Variants in NRG3 observed in about 807,000 individuals in gnomAD.
NRG3 encodes pro-neuregulin-3, membrane-bound isoform.
In NRG3, 31 loss-of-function variants were observed where a neutral mutation model predicts 66.9. The ratio of observed to expected loss-of-function variants is 0.46; its 90% CI spans 0.35 to 0.63. The LOEUF is 0.63. NRG3 is among the 20% of genes least tolerant of loss of function. The probability of loss-of-function intolerance (pLI) is 0.00; values close to 1 mark genes in which losing one functional copy is unlikely to be tolerated. For missense variants in NRG3, 910 were observed against 878.9 expected (o/e 1.04, Z -0.45); for synonymous variants, 393 against 359.4 (o/e 1.09, Z -1.06).
chr10:82,424,041 C>A (rs1355580020), intron 2 of NRG3, among the ~76,000 whole-genome samples: 1 of 151,984 alleles, frequency 6.6e-6, no homozygotes, highest in African/African-American at 2.4e-5. Flanking sequence ...CATTCATCAG[C>A]TGATGGACAT....
chr10:82,876,173 T>G (rs1348329303), intron 4 of NRG3, among the ~76,000 whole-genome samples: 4 of 152,198 alleles, frequency 2.6e-5, no homozygotes, highest in African/African-American at 7.2e-5. Flanking sequence ...AAGAATAACA[T>G]AAGACCAATA....
At chr10:82,035,357 G>T (rs2062750832) in intron 1 of NRG3, among the ~76,000 whole-genome samples, 1 of 151,846 alleles carries the variant, frequency 6.6e-6, no homozygotes, top group African/African-American at 2.4e-5. Flanking sequence ...CATACACTGT[G>T]ATTTTTTTTG....
intron 1 of NRG3, among the ~76,000 whole-genome samples, chr10:82,348,355 GGGTT>G (rs2083176085): frequency 6.9e-6 from 1 of 145,822 alleles, no homozygotes; most frequent in African/African-American, 2.6e-5. Flanking sequence ...ATGAAATTCT[GGGTT>G]GAAAATTCTT....
chr10:82,384,441 C>A (rs984107442), intron 2 of NRG3, among the ~76,000 whole-genome samples: 4 of 152,174 alleles, frequency 2.6e-5, no homozygotes, highest in African/African-American at 9.6e-5. Flanking sequence ...AACCCCCACC[C>A]TCTGACAGGC....
At chr10:82,078,909 G>A (rs954557278) in intron 1 of NRG3, among the ~76,000 whole-genome samples, 2 of 152,130 alleles carry the variant, frequency 1.3e-5, no homozygotes, top group African/African-American at 4.8e-5. Context: ...CAAAGGCTTT[G>A]GTTGGTGACT....
chr10:82,876,108 T>C (rs1425735931), intron 4 of NRG3, among the ~76,000 whole-genome samples: 4 of 152,222 alleles, frequency 2.6e-5, no homozygotes, highest in African/African-American at 9.6e-5. Context: ...TAAAATTTGA[T>C]TGGTAGACAC....
At position 82,890,027 on chromosome 10, in the gene NRG3, G is replaced by A. The variant is rs145542924; in HGVS notation, c.1054+24590G>A. Among the ~76,000 whole-genome samples, 1,119 of 152,122 alleles carry A rather than the reference G, an allele frequency of 7.4e-3. 14 individuals are homozygous for A. Among genetic ancestry groups the A allele is most frequent in the African/African-American group, 0.022 (903 of 41,504 alleles). On this transcript the variant is annotated intron_variant, in intron 4 of 8. Coordinates refer to ENST00000372141, the MANE Select transcript of NRG3 (RefSeq NM_001010848.4). The stretch of plus-strand genomic sequence containing the variant: ...AGACTGGTGACAGCAAGCCAAGAAA[G>A]CCAATACTCTAAGTGAATTTAATAG...
At chr10:82,535,268 A>G (rs987432344) in intron 2 of NRG3, among the ~76,000 whole-genome samples, 4 of 151,116 alleles carry the variant, frequency 2.6e-5, no homozygotes, top group African/African-American at 9.7e-5. Context: ...TTTGCACACA[A>G]ATATATATGT....
intron 1 of NRG3, among the ~76,000 whole-genome samples, chr10:82,197,086 G>T (rs571316167): frequency 5.7e-4 from 87 of 152,088 alleles, no homozygotes; most frequent in Non-Finnish European, 1.0e-3. Flanking sequence ...AGCAGATCAG[G>T]AATCTAAGAG....
intron 1 of NRG3, among the ~76,000 whole-genome samples, chr10:82,060,248 T>C (rs182681655): frequency 6.6e-6 from 1 of 152,326 alleles, no homozygotes; most frequent in East Asian, 1.9e-4. Flanking sequence ...TCACAACAAT[T>C]AATAAGGACA....
chr10:82,922,266 G>T (rs886708563), intron 4 of NRG3, among the ~76,000 whole-genome samples: 2 of 151,890 alleles, frequency 1.3e-5, no homozygotes, highest in Non-Finnish European at 2.9e-5. Context: ...ACTCCTCATC[G>T]GGCAGCCCCG....
Position 81,904,963 on chromosome 10 carries a change from C to T in NRG3, c.823+28800C>T, listed in dbSNP as rs529289915. 1.9e-4 allele frequency among the ~76,000 whole-genome samples: 29 copies of T among 152,316 alleles called. 1 individual carries two copies. The highest frequency in any genetic ancestry group is 6.3e-4 in the African/African-American group (26 of 41,570). The stretch of plus-strand genomic sequence containing the variant: ...AGTGCTGAAAAAAATAAGAGCTTCT[C>T]TTACCAAAGTATCTCTTAATTCTTA... On this transcript the variant is annotated intron_variant, in intron 1 of 8. Transcript: ENST00000372141.
chr10:81,958,716 C>A (rs1382552292), intron 1 of NRG3, among the ~76,000 whole-genome samples: 1 of 152,036 alleles, frequency 6.6e-6, no homozygotes, highest in Non-Finnish European at 1.5e-5. Context: ...ATGGTGAAAT[C>A]CTGTCTGTAC....
intron 1 of NRG3, among the ~76,000 whole-genome samples, chr10:82,178,303 G>A (rs937078247): frequency 2.0e-5 from 3 of 152,084 alleles, no homozygotes; most frequent in African/African-American, 4.8e-5. Context: ...CTATAAGCAC[G>A]ATGAGGTACA....
At chr10:82,126,330 T>G (rs2068446603) in intron 1 of NRG3, among the ~76,000 whole-genome samples, 1 of 152,124 alleles carries the variant, frequency 6.6e-6, no homozygotes, top group South Asian at 2.1e-4. Context: ...TTTAATTTTT[T>G]TCTACAAACA....
chr10:81,880,653 T>G (rs1011547220), intron 1 of NRG3, among the ~76,000 whole-genome samples: 2 of 152,124 alleles, frequency 1.3e-5, no homozygotes, highest in African/African-American at 4.8e-5. Flanking sequence ...CCTCATAACC[T>G]CTCATCTCCA....
At chr10:82,624,431 CT>C (rs1565139229) in intron 2 of NRG3, among the ~76,000 whole-genome samples, 1 of 152,052 alleles carries the variant, frequency 6.6e-6, no homozygotes, top group Non-Finnish European at 1.5e-5. Context: ...AACCATTCTC[CT>C]TTTTCCCTTG....
At chr10:81,933,555 A>G (rs1250612181) in intron 1 of NRG3, among the ~76,000 whole-genome samples, 1 of 152,188 alleles carries the variant, frequency 6.6e-6, no homozygotes, top group African/African-American at 2.4e-5. Flanking sequence ...AGCATTAGGT[A>G]TATCACTTAA....
chr10:82,207,960 A>G (rs1201604157), intron 1 of NRG3, among the ~76,000 whole-genome samples: 1 of 152,166 alleles, frequency 6.6e-6, no homozygotes, highest in Non-Finnish European at 1.5e-5. Context: ...TAAAGAACTT[A>G]CCACTTTTAA....
Sources: gnomAD v4.1 joint callset for allele counts (sites outside exome capture counted in the v4.1 genomes callset) on GRCh38, gnomAD v4.1.1 for gene constraint, MANE v1.5 for transcripts, NCBI Gene and HGNC (gene_info 2026-07-23, HGNC 2026-07-21) for gene names.